The following CEP164 variants were observed in gnomAD, a reference collection of about 807,000 sequenced individuals.
The protein encoded by CEP164 is centrosomal protein of 164 kDa.
A neutral mutation model predicts 182.7 loss-of-function variants in CEP164; 162 were observed. That is an observed-to-expected ratio of 0.89 (90% CI 0.78 to 1.01). The LOEUF (loss-of-function observed/expected upper bound fraction) is 1.01, where lower values mean the gene tolerates loss of function less well. CEP164 is among the 50% of genes least tolerant of loss of function. CEP164 has a pLI of 0.00. For missense variants in CEP164, 1,735 were observed against 1,790.4 expected (o/e 0.97, Z 0.56); for synonymous variants, 661 against 690.0 (o/e 0.96, Z 0.66).
chr11:117,390,948 A>C (rs745521343), intron 16 of CEP164, 40 bp downstream of exon 16: 7 of 1,613,874 alleles, frequency 4.3e-6, no homozygotes, highest in Non-Finnish European at 5.9e-6. Context: ...AGCCCTGCGG[A>C]GGCGACCCCA....
chr11:117,338,654 T>G lies in CEP164; in HGVS notation c.68T>G (p.Ile23Ser). The G allele has an allele frequency of 6.2e-7, 1 of 1,613,516 alleles. No individual in the cohort carries two copies. The highest frequency in any genetic ancestry group is 8.5e-7 in the Non-Finnish European group (1 of 1,179,400). ...VLEEDYDETYIPSEQEILEFA... is the reference protein window; with the variant it reads ...VLEEDYDETYSPSEQEILEFA... ...GAAGAAGATTATGATGAGACCTACA[T>G]TCCTAGTGAGCAAGGTAACAAGTCT... Residue 23 changes from isoleucine (I) to serine (S), a missense_variant, in exon 3 of 33, where the codon ATT becomes AGT. Ile to Ser is a moderately radical substitution (Grantham distance 142). Coordinates refer to ENST00000278935, the MANE Select transcript of CEP164 (RefSeq NM_014956.5).
intron 27 of CEP164, among the ~76,000 whole-genome samples, chr11:117,400,302 G>GT (rs1321284167): frequency 2.0e-5 from 3 of 152,162 alleles, no homozygotes; most frequent in African/African-American, 7.2e-5. Context: ...TTGTAGATGT[G>GT]TGGCGCTATT....
In CEP164 at chr11:117,397,235, G is replaced by A. The variant is rs773030013; in HGVS notation, c.3423G>A (p.Glu1141=). ...CTGCCCAGCAGCATTGGCGCCATGAGCTGGCCAGTGCGCAGGAGGTGGCCA... is the reference window on the plus strand; with the variant it reads ...CTGCCCAGCAGCATTGGCGCCATGAACTGGCCAGTGCGCAGGAGGTGGCCA... The part of the protein sequence containing the change: ...LKAAQQHWRH[E]LASAQEVAKD... Residue 1141 remains glutamate (E), a synonymous_variant, in exon 27 of 33, where the codon GAG becomes GAA. Transcript: ENST00000278935. 2 of 1,614,240 alleles carry A rather than the reference G, an allele frequency of 1.2e-6. No homozygotes were observed. The highest frequency in any genetic ancestry group is 1.7e-5 in the Admixed American group (1 of 60,032).
intron 6 of CEP164, 36 bp downstream of exon 6, chr11:117,362,029 C>T (rs2041046655): frequency 1.3e-6 from 2 of 1,518,844 alleles, no homozygotes; most frequent in East Asian, 2.3e-5. Context: ...GTCTGTAGTT[C>T]CTGTGGGGCC....
chr11:117,410,545 C>T (rs2047234265), intron 30 of CEP164: 2 of 318,070 alleles, frequency 6.3e-6, no homozygotes, highest in Non-Finnish European at 1.2e-5. Context: ...GCTTCTGAGC[C>T]AGGTGGCCTC....
chr11:117,355,089 G>C, intron 5 of CEP164: 27 of 1,289,800 alleles, frequency 2.1e-5, no homozygotes, highest in Non-Finnish European at 2.6e-5. Context: ...GGCATGCTGG[G>C]TGACACTCCC....
chr11:117,384,100 G>C (rs1190990974), intron 14 of CEP164, among the ~76,000 whole-genome samples: 1 of 152,204 alleles, frequency 6.6e-6, no homozygotes, highest in African/African-American at 2.4e-5. Context: ...TGCAGCCACT[G>C]TTCCTTTTCT....
rs1267456085 is a variant in CEP164 at position 117,387,545 on chromosome 11, C to T, written c.1934+133C>T. 5 of 803,720 alleles carry T rather than the reference C, an allele frequency of 6.2e-6. No homozygotes were observed. The South Asian group carries it at 7.3e-5, about 12-fold the overall frequency. The allele number at this position is 803,720 out of a possible 1,614,324, so 49.8% of individuals were successfully genotyped here. A position where few individuals can be genotyped will look rare whatever the true frequency, so the allele number is the denominator to read the frequency against. On this transcript the variant is annotated intron_variant, in intron 15 of 32. Transcript: ENST00000278935. ...GACCAACTAAAGTTGGGAAACTTGA[C>T]CCAACAATTTCTGCTTATATCTCAT...
intron 1 of CEP164, among the ~76,000 whole-genome samples, chr11:117,334,770 C>T (rs1391771678): frequency 2.4e-5 from 3 of 125,380 alleles, no homozygotes; most frequent in African/African-American, 6.2e-5. Context: ...GGGTGACAGA[C>T]TGAGACTTCG....
chr11:117,356,103 G>A, intron 5 of CEP164: 5 of 1,059,418 alleles, frequency 4.7e-6, no homozygotes, highest in Non-Finnish European at 5.7e-6. Flanking sequence ...AGCTCACGGG[G>A]ATCTGAGGAG....
chr11:117,391,108 A>C lies in CEP164; in HGVS notation c.2176A>C (p.Lys726Gln). ...QKNRQMLEQL[K>Q]EEIEASEKSE... ...AAATAGGCAAATGCTGGAGCAGCTCAAGGAAGAGATAGAGGCTTCGGAGAA... is the reference window on the plus strand; with the variant it reads ...AAATAGGCAAATGCTGGAGCAGCTCCAGGAAGAGATAGAGGCTTCGGAGAA... Residue 726 changes from lysine to glutamine, a missense_variant, in exon 17 of 33, where the codon AAG becomes CAG. Coordinates refer to ENST00000278935, the MANE Select transcript of CEP164 (RefSeq NM_014956.5). 1 of 1,614,074 alleles carries C rather than the reference A, an allele frequency of 6.2e-7. No homozygotes were observed. Among genetic ancestry groups the C allele is most frequent in the African/African-American group, 1.3e-5 (1 of 75,026 alleles).
rs948319314 is a variant in CEP164 at position 117,394,798 on chromosome 11, C to T, written c.2761-122C>T. ...CCTGGGAGGCTGCAGGGGCACACAG[C>T]GAGGAAGCCTGAGCCCAGAGTGGAG... is the stretch of plus-strand genomic sequence containing the variant. On this transcript the variant is annotated intron_variant, in intron 21 of 32. Transcript: ENST00000278935. This position sits in a 1 kb window ranked among gnomAD's most constrained non-coding sequence, Gnocchi z 4.0. 1.3e-5 allele frequency: 14 copies of T among 1,045,890 alleles called. No individual in the cohort carries two copies. Among genetic ancestry groups the T allele is most frequent in the African/African-American group, 7.9e-5 (5 of 63,002 alleles). 64.8% of individuals were successfully genotyped at this position (1,045,890 alleles called of 1,614,324 possible).
Position 117,392,316 on chromosome 11 carries a change from A to G in CEP164, c.2361+13A>G. ...CAAGCACCGGGAGGTAAGATGCAGC[A>G]TCCTGGGCCCCCTTCATGGCTGATT... On this transcript the variant is annotated intron_variant, in intron 18 of 32. Transcript: ENST00000278935. 6.2e-7 allele frequency: 1 copy of G among 1,607,316 alleles called. No homozygotes were observed. The highest frequency in any genetic ancestry group is 8.5e-7 in the Non-Finnish European group (1 of 1,178,608).
chr11:117,354,945 A>C (rs996337396), intron 5 of CEP164: 5 of 1,284,688 alleles, frequency 3.9e-6, no homozygotes, highest in Non-Finnish European at 4.1e-6. Flanking sequence ...ACGCAGCCTG[A>C]GGAGGGACTT....
intron 5 of CEP164, chr11:117,356,587 A>G (rs1214588827): frequency 7.8e-7 from 1 of 1,287,396 alleles, no homozygotes; most frequent in Non-Finnish European, 1.0e-6. Context: ...GGCTTACTAC[A>G]GAGCCAGGCA....
Position 117,408,997 on chromosome 11 carries a change from G to T in CEP164, c.3717G>T (p.Pro1239=). The T allele has an allele frequency of 6.2e-7, 1 of 1,614,060 alleles. No homozygotes were observed. Among genetic ancestry groups the T allele is most frequent in the Non-Finnish European group, 8.5e-7 (1 of 1,179,972 alleles). The change falls in exon 29 of 33, where the codon CCG becomes CCT. Residue 1239 remains proline (P), a synonymous_variant. Coordinates refer to ENST00000278935, the MANE Select transcript of CEP164 (RefSeq NM_014956.5). ...GTGAAAGTTCTGAATCTTTTTCCCC[G>T]CCTCACCGTGAGTGGTGGCGGCAGC... The part of the protein sequence containing the change: ...LSSESSESFS[P]PHREWWRQQR...
At chr11:117,399,941 G>A (rs1411407042) in intron 27 of CEP164, among the ~76,000 whole-genome samples, 1 of 152,158 alleles carries the variant, frequency 6.6e-6, no homozygotes, top group Non-Finnish European at 1.5e-5. Context: ...TAGGTTGCCT[G>A]TTCACTCTGA....
intron 4 of CEP164, among the ~76,000 whole-genome samples, chr11:117,350,435 G>C (rs1213378037): frequency 1.3e-5 from 2 of 152,150 alleles, no homozygotes; most frequent in East Asian, 3.9e-4. Context: ...TTGGATTTTT[G>C]ATAATAGCCA....
At chr11:117,344,697 T>G (rs1327405451) in intron 4 of CEP164, among the ~76,000 whole-genome samples, 1 of 151,732 alleles carries the variant, frequency 6.6e-6, no homozygotes, top group African/African-American at 2.4e-5. Context: ...GAGGCCGAGG[T>G]GGGTGGATTG....
Sources: gnomAD v4.1 joint callset for allele counts (sites outside exome capture counted in the v4.1 genomes callset) on GRCh38, gnomAD v4.1.1 for gene constraint, Gnocchi (gnomAD v3.1) non-coding constraint, MANE v1.5 for transcripts, NCBI Gene and HGNC (gene_info 2026-07-23, HGNC 2026-07-21) for gene names.